The following COMMD9 variants were observed in gnomAD, a reference collection of about 807,000 sequenced individuals.
COMMD9 encodes COMM domain containing 9, also known as COMM domain-containing protein 9.
A neutral mutation model predicts 23.4 loss-of-function variants in COMMD9; 22 were observed. The ratio of observed to expected loss-of-function variants is 0.94; its 90% CI spans 0.67 to 1.34. COMMD9 has a LOEUF of 1.34. Ranked by LOEUF, COMMD9 falls within the 40% of genes most tolerant of loss-of-function variation. COMMD9 has a pLI of 0.00. For synonymous variants in COMMD9, 99 were observed against 97.4 expected, an observed-to-expected ratio of 1.02 and a Z score of -0.10; for missense variants, 231 against 240.2, an observed-to-expected ratio of 0.96 and a Z score of 0.25.
intron 1 of COMMD9, among the ~76,000 whole-genome samples, chr11:36,284,104 T>TCAACAA (rs79468939): frequency 0.059 from 8,869 of 149,546 alleles, 346 homozygotes; most frequent in African/African-American, 0.098. Context: ...AGACCCTGTC[T>TCAACAA]CAACAACAAC....
At chr11:36,277,524 C>CTACA (rs769067890) in intron 3 of COMMD9, among the ~76,000 whole-genome samples, 98 of 152,142 alleles carry the variant, frequency 6.4e-4, no homozygotes, top group Non-Finnish European at 1.3e-3. Flanking sequence ...CTGACTAATG[C>CTACA]TACAACAAAC....
Position 36,274,541 on chromosome 11 carries a change from A to T in COMMD9, c.*91T>A. The T allele has an allele frequency of 6.6e-7, 1 of 1,523,498 alleles. No individual in the cohort carries two copies. Among genetic ancestry groups the T allele is most frequent in the African/African-American group, 1.4e-5 (1 of 73,446 alleles). The allele number at this position is 1,523,498 out of a possible 1,614,324, so 94.4% of individuals were successfully genotyped here. On this transcript the variant is annotated 3_prime_UTR_variant, in exon 6 of 6. Transcript: ENST00000263401. ...TGTCCCCACCATCCTGCCTGTTGTC[A>T]GCTGCAGCTGCAAGGGCAGCCTGCA...
chr11:36,287,124 TA>T (rs1304817516), intron 1 of COMMD9, among the ~76,000 whole-genome samples: 1 of 56,242 alleles, frequency 1.8e-5, no homozygotes, highest in African/African-American at 5.0e-5. Flanking sequence ...GTATACTACA[TA>T]CTATGTATAT....
At chr11:36,276,088 G>A in intron 5 of COMMD9, 49 bp downstream of exon 5, 1 of 1,356,600 alleles carries the variant, frequency 7.4e-7, no homozygotes, top group Non-Finnish European at 1.1e-6. Flanking sequence ...GTTTTAGACG[G>A]CCATAGGGGT....
Position 36,274,733 on chromosome 11 carries a change from T to C in COMMD9, c.496A>G (p.Ile166Val), listed in dbSNP as rs765711174. The part of the protein sequence containing the change: ...DPSLCGDKPS[I>V]SAVTVELSKE... ...CTCAGCTCCACGGTGACAGCTGAGA[T>C]GGAGGGTTTGTCTCCGCATAGGCTG... Residue 166 changes from isoleucine to valine, a missense_variant, in exon 6 of 6, where the codon ATC (isoleucine) becomes GTC (valine). Transcript: ENST00000263401. 3.1e-6 allele frequency: 5 copies of C among 1,614,238 alleles called. No individual in the cohort carries two copies. In the Admixed American group the frequency reaches 8.3e-5, roughly 27 times the overall value.
intron 3 of COMMD9, chr11:36,278,192 A>C (rs1180775677): frequency 1.6e-5 from 5 of 320,540 alleles, no homozygotes; most frequent in Non-Finnish European, 2.3e-5. Context: ...AACAGAAAAT[A>C]AGCAAGTTAC....
intron 4 of COMMD9, chr11:36,276,739 GGCTCA>G (rs1233544975): frequency 3.3e-5 from 7 of 211,924 alleles, no homozygotes; most frequent in Middle Eastern, 1.7e-3. Context: ...CACTGTGGCT[GGCTCA>G]GAGTTACTGT....
chr11:36,283,674 G>T (rs11529292), intron 1 of COMMD9, among the ~76,000 whole-genome samples: 6,155 of 152,118 alleles, frequency 0.04, 341 homozygotes, highest in East Asian at 0.17. Flanking sequence ...GAGAGAACAG[G>T]CAGAAAACAA....
intron 3 of COMMD9, among the ~76,000 whole-genome samples, chr11:36,277,471 T>A (rs1340745616): frequency 2.0e-5 from 3 of 152,232 alleles, no homozygotes; most frequent in Non-Finnish European, 4.4e-5. Flanking sequence ...ACCTACTGCA[T>A]ACACAAATAT....
At position 36,273,099 on chromosome 11, in the gene COMMD9, A is replaced by G. The variant is rs1489965816; in HGVS notation, c.*1533T>C. The G allele has an allele frequency of 6.6e-6, 1 of 152,146 alleles. No individual in the cohort carries two copies. Among genetic ancestry groups the G allele is most frequent in the Non-Finnish European group, 1.5e-5 (1 of 68,038 alleles). The allele number at this position is 152,146 out of a possible 1,614,324, so 9.4% of individuals were successfully genotyped here. ...CCTATCAAGTAGGTACTACTATTAT[A>G]CTCATTTAATTTAGGAAAAAAGTAC... On this transcript the variant is annotated 3_prime_UTR_variant, in exon 6 of 6. Coordinates refer to ENST00000263401, the MANE Select transcript of COMMD9 (RefSeq NM_014186.4).
At chr11:36,287,009 C>G (rs890637674) in intron 1 of COMMD9, among the ~76,000 whole-genome samples, 1 of 151,536 alleles carries the variant, frequency 6.6e-6, no homozygotes, top group South Asian at 2.1e-4. Context: ...ACCCAATTTC[C>G]CCTATGCAGA....
At chr11:36,285,926 C>G (rs900721560) in intron 1 of COMMD9, among the ~76,000 whole-genome samples, 1 of 152,142 alleles carries the variant, frequency 6.6e-6, no homozygotes, top group African/African-American at 2.4e-5. Context: ...CTACAGTGAA[C>G]ATTATACTTA....
At chr11:36,281,640 A>G (rs1158918942) in intron 1 of COMMD9, among the ~76,000 whole-genome samples, 1 of 152,214 alleles carries the variant, frequency 6.6e-6, no homozygotes, top group East Asian at 1.9e-4. Flanking sequence ...GATAGTAATG[A>G]GGTGGCACCC....
chr11:36,286,662 A>C lies in COMMD9; in HGVS notation c.51+2700T>G, dbSNP rs114336580. Among the ~76,000 whole-genome samples the C allele has an allele frequency of 1.5e-3, 234 of 152,238 alleles. 2 individuals are homozygous for C. Among genetic ancestry groups the C allele is most frequent in the African/African-American group, 5.5e-3 (230 of 41,528 alleles). ...CCATTTGCAATTGCTCAAAAAATGA[A>C]ATACAGGATGTGCATGCTGAAAACT... On this transcript the variant is annotated intron_variant, in intron 1 of 5. Transcript: ENST00000263401.
At chr11:36,280,865 A>G (rs551385263) in intron 1 of COMMD9, 28 bp from the exon 2 acceptor site, 1 of 1,528,546 alleles carries the variant, frequency 6.5e-7, no homozygotes, top group Non-Finnish European at 8.8e-7. Context: ...GATAGGAAAA[A>G]AAAAAACTCA....
At position 36,276,275 on chromosome 11, in the gene COMMD9, C is replaced by T. The variant is rs1027404192; in HGVS notation, c.353-35G>A. The T allele has an allele frequency of 1.8e-5, 27 of 1,466,994 alleles. 1 individual carries two copies. The highest frequency in any genetic ancestry group is 5.7e-5 in the South Asian group (5 of 88,032). 90.9% of individuals were successfully genotyped at this position (1,466,994 alleles called of 1,614,324 possible). On this transcript the variant is annotated intron_variant, in intron 4 of 5. Coordinates refer to ENST00000263401, the MANE Select transcript of COMMD9 (RefSeq NM_014186.4). ...GAACAGCTCAGCTCAATGCTCATGCCGCCCGTGTTTACCAAGCATTTATTG... is the reference window on the plus strand; with the variant it reads ...GAACAGCTCAGCTCAATGCTCATGCTGCCCGTGTTTACCAAGCATTTATTG...
rs1554981278 is a variant in COMMD9, at chr11:36,288,359, T to TAA, written c.51+1001_51+1002dup. On this transcript the variant is annotated intron_variant, in intron 1 of 5. Coordinates refer to ENST00000263401, the MANE Select transcript of COMMD9 (RefSeq NM_014186.4). ...AACTCAACCCTCTTCACCTGGTGTT[T>TAA]AAAAAAAAAAAAAAAGAGAGAGGAA... Among the ~76,000 whole-genome samples the TAA allele has an allele frequency of 7.1e-4, 100 of 141,690 alleles. 2 individuals carry two copies. The highest frequency in any genetic ancestry group is 1.9e-3 in the Admixed American group (27 of 14,316). 93.0% of individuals were successfully genotyped at this position (141,690 alleles called of 152,430 possible). A position where few individuals can be genotyped will look rare whatever the true frequency, so the allele number is the denominator to read the frequency against.
rs1855909416 is a variant in COMMD9 at position 36,273,365 on chromosome 11, G to A, written c.*1267C>T. ...TGAAGGGGGAATCTTCACACATGGA[G>A]TCCCTGTGAGGCGTGAGGCACATGA... On this transcript the variant is annotated 3_prime_UTR_variant, in exon 6 of 6. Coordinates refer to ENST00000263401, the MANE Select transcript of COMMD9 (RefSeq NM_014186.4). 6.6e-6 allele frequency: 1 copy of A among 152,260 alleles called. No homozygotes were observed. Among genetic ancestry groups the A allele is most frequent in the African/African-American group, 2.4e-5 (1 of 41,476 alleles). 9.4% of individuals were successfully genotyped at this position (152,260 alleles called of 1,614,324 possible).
In COMMD9 at chr11:36,273,797, G is replaced by T; in HGVS notation, c.*835C>A. On this transcript the variant is annotated 3_prime_UTR_variant, in exon 6 of 6. Transcript: ENST00000263401. ...TTGCTTCCTTTTGTTCTACGTAACA[G>T]GTGAAAACACAGAAAGTGGTGCGAT... The T allele has an allele frequency of 6.4e-6, 1 of 156,552 alleles. No individual in the cohort carries two copies. Among genetic ancestry groups the T allele is most frequent in the Admixed American group, 6.2e-5 (1 of 16,198 alleles). The allele number at this position is 156,552 out of a possible 1,614,324, so 9.7% of individuals were successfully genotyped here.
Sources: allele counts gnomAD v4.1 joint callset (sites outside exome capture counted in the v4.1 genomes callset), GRCh38; gene constraint gnomAD v4.1.1; transcripts MANE v1.5; gene names NCBI Gene and HGNC (gene_info 2026-07-23, HGNC 2026-07-21).